PIGN: variants seen among roughly 807,000 people sequenced by gnomAD.
PIGN encodes the protein phosphatidylinositol glycan anchor biosynthesis class N, also known as GPI ethanolamine phosphate transferase 1.
PIGN carries 117 observed loss-of-function variants against 125.4 expected under a neutral mutation model. That is an observed-to-expected ratio of 0.93 (90% CI 0.80 to 1.09). The LOEUF (loss-of-function observed/expected upper bound fraction) is 1.09. Among genes scored for constraint, PIGN ranks in the 50% least tolerant of loss-of-function variants. The probability of loss-of-function intolerance (pLI) is 0.00; values close to 1 mark genes in which losing one functional copy is unlikely to be tolerated. For synonymous variants in PIGN, 392 were observed against 377.8 expected (o/e 1.04, Z -0.44); for missense variants, 1,075 against 1,094.9 (o/e 0.98, Z 0.26).
intron 6 of PIGN, among the ~76,000 whole-genome samples, chr18:62,156,496 A>T (rs1053946691): frequency 1.3e-5 from 2 of 151,976 alleles, no homozygotes; most frequent in African/African-American, 4.8e-5. Flanking sequence ...ACACTCAGCT[A>T]ATTTTTTGTT....
chr18:62,175,678 C>T (rs1215651622), intron 1 of PIGN, among the ~76,000 whole-genome samples: 1 of 152,158 alleles, frequency 6.6e-6, no homozygotes, highest in African/African-American at 2.4e-5. Flanking sequence ...TATGTATCCT[C>T]AGACTAGAAT....
At chr18:62,071,866 A>ATATATATATATATGTG (rs1568142124) in intron 30 of PIGN, among the ~76,000 whole-genome samples, 1 of 3,248 alleles carries the variant, frequency 3.1e-4, no homozygotes, top group African/African-American at 1.0e-3. Context: ...CCTTTTCCAT[A>ATATATATATATATGTG]TATATATATA....
At chr18:62,150,472 T>C (rs1201298000) in intron 7 of PIGN, among the ~76,000 whole-genome samples, 1 of 152,146 alleles carries the variant, frequency 6.6e-6, no homozygotes, top group Non-Finnish European at 1.5e-5. Flanking sequence ...ACAGAAGACC[T>C]AATAGAGAAG....
intron 23 of PIGN, among the ~76,000 whole-genome samples, chr18:62,030,342 T>G (rs1280898093): frequency 1.3e-5 from 2 of 152,184 alleles, no homozygotes; most frequent in African/African-American, 4.8e-5. Flanking sequence ...CTCTTCTACA[T>G]CCTGGATCAG....
At chr18:62,070,584 A>G (rs1260691899) in intron 30 of PIGN, 2 of 397,108 alleles carry the variant, frequency 5.0e-6, no homozygotes, top group East Asian at 7.1e-5. Context: ...CTGGCAACAC[A>G]AAGTGATGAA....
At chr18:62,064,437 C>G (rs546717282) in intron 30 of PIGN, among the ~76,000 whole-genome samples, 2 of 152,242 alleles carry the variant, frequency 1.3e-5, no homozygotes, top group South Asian at 4.1e-4. Context: ...TCTCTGGGTA[C>G]TTGACAATGT....
At chr18:62,029,997 G>C (rs1355287497) in intron 23 of PIGN, among the ~76,000 whole-genome samples, 1 of 152,154 alleles carries the variant, frequency 6.6e-6, no homozygotes, top group Non-Finnish European at 1.5e-5. Context: ...GAAGACCCAG[G>C]GGATGGATAA....
chr18:62,143,168 A>G (rs1051071845), intron 11 of PIGN, 138 bp downstream of exon 11: 8 of 580,336 alleles, frequency 1.4e-5, no homozygotes, highest in Non-Finnish European at 2.1e-5. Flanking sequence ...ATTTGCACTA[A>G]AAGAATTCCC....
chr18:62,047,264 G>A (rs915895806), intron 30 of PIGN, among the ~76,000 whole-genome samples: 2 of 152,208 alleles, frequency 1.3e-5, no homozygotes, highest in Non-Finnish European at 2.9e-5. Flanking sequence ...CCCCTCCACT[G>A]TCATGGTGTC....
At chr18:62,070,600 A>G in intron 30 of PIGN, 1 of 396,570 alleles carries the variant, frequency 2.5e-6, no homozygotes, top group Non-Finnish European at 4.4e-6. Context: ...ATGAATGAAT[A>G]TTGACTAAAT....
At chr18:62,175,078 T>TTTAATA (rs2037479864) in intron 1 of PIGN, among the ~76,000 whole-genome samples, 1 of 143,924 alleles carries the variant, frequency 6.9e-6, no homozygotes, top group Admixed American at 7.0e-5. Context: ...ATATATATAT[T>TTTAATA]TAATATATCT....
intron 1 of PIGN, among the ~76,000 whole-genome samples, chr18:62,185,517 C>A (rs2037889060): frequency 6.6e-6 from 1 of 152,080 alleles, no homozygotes; most frequent in Admixed American, 6.5e-5. Flanking sequence ...TTAAAGCCTA[C>A]TCTTAACTGT....
chr18:62,170,984 T>C (rs1324690463), intron 1 of PIGN, among the ~76,000 whole-genome samples: 1 of 152,166 alleles, frequency 6.6e-6, no homozygotes, highest in Non-Finnish European at 1.5e-5. Context: ...TTTCAATCTA[T>C]GAAGGCTGAG....
chr18:62,023,346 C>T (rs571183973), intron 23 of PIGN, among the ~76,000 whole-genome samples: 66 of 152,304 alleles, frequency 4.3e-4, no homozygotes, highest in African/African-American at 1.5e-3. Flanking sequence ...TTTGTGATTG[C>T]TTCTTTCACT....
chr18:62,171,378 C>CT (rs2037340316), intron 1 of PIGN, among the ~76,000 whole-genome samples: 1 of 152,116 alleles, frequency 6.6e-6, no homozygotes, highest in South Asian at 2.1e-4. Context: ...TGTGTATATG[C>CT]TTTTTAACTT....
At position 62,050,865 on chromosome 18, in the gene PIGN, G is replaced by A. The variant is rs1238157128; in HGVS notation, c.2673-4886C>T. On this transcript the variant is annotated intron_variant, in intron 30 of 30. Transcript: ENST00000640252. The stretch of plus-strand genomic sequence containing the variant: ...TCATAGATAGCTCTTATTATTTTGA[G>A]ATACGTCCCATCAATACCTAATTTA... Among the ~76,000 whole-genome samples, 30 of 151,044 alleles carry A rather than the reference G, an allele frequency of 2.0e-4. No homozygotes were observed. In the East Asian group the frequency reaches 3.7e-3, roughly 19 times the overall value.
intron 1 of PIGN, among the ~76,000 whole-genome samples, chr18:62,170,876 T>A (rs1356117147): frequency 6.6e-6 from 1 of 152,216 alleles, no homozygotes; most frequent in Non-Finnish European, 1.5e-5. Context: ...GTCTTATTGC[T>A]GATATGAAGA....
At chr18:62,078,901 C>T (rs908355980) in intron 28 of PIGN, among the ~76,000 whole-genome samples, 2 of 152,300 alleles carry the variant, frequency 1.3e-5, no homozygotes, top group Admixed American at 6.5e-5. Flanking sequence ...TGCTCTTATT[C>T]TTGTCTTCCT....
chr18:62,113,429 G>A lies in PIGN; in HGVS notation c.1252-113C>T. 3 of 671,126 alleles carry A rather than the reference G, an allele frequency of 4.5e-6. No homozygotes were observed. The South Asian group carries it at 6.5e-5, about 15-fold the overall frequency. 41.6% of individuals were successfully genotyped at this position (671,126 alleles called of 1,614,324 possible). A position where few individuals can be genotyped will look rare whatever the true frequency, so the allele number is the denominator to read the frequency against. ...GCCAAACTGTTGTATTAAAATTAGTGAATAACTGTAGATGATGGATTAAGA... is the reference window on the plus strand; with the variant it reads ...GCCAAACTGTTGTATTAAAATTAGTAAATAACTGTAGATGATGGATTAAGA... On this transcript the variant is annotated intron_variant, in intron 15 of 30. Transcript: ENST00000640252.
Sources: gnomAD v4.1 joint callset for allele counts (sites outside exome capture counted in the v4.1 genomes callset) on GRCh38, gnomAD v4.1.1 for gene constraint, MANE v1.5 for transcripts, NCBI Gene and HGNC (gene_info 2026-07-23, HGNC 2026-07-21) for gene names.